The following APBA2 variants were observed in gnomAD, a reference collection of about 807,000 sequenced individuals.
APBA2 encodes the protein amyloid beta precursor protein binding family A member 2, also known as amyloid-beta A4 precursor protein-binding family A member 2.
In APBA2, 30 loss-of-function variants were observed where a neutral mutation model predicts 75.0. The observed-to-expected ratio is 0.40, with a 90% CI of 0.30 to 0.54. APBA2 has a LOEUF of 0.54. Ranked by LOEUF, APBA2 falls within the 20% of genes least tolerant of loss-of-function variation. APBA2 has a pLI of 0.49. For synonymous variants in APBA2, 444 were observed against 409.6 expected (o/e 1.08, Z -1.01); for missense variants, 801 against 1,016.1 (o/e 0.79, Z 2.88).
chr15:28,900,183 C>G (rs1234786186), intron 1 of APBA2, among the ~76,000 whole-genome samples: 1 of 152,186 alleles, frequency 6.6e-6, no homozygotes, highest in East Asian at 1.9e-4. Flanking sequence ...ACCCTTCTTC[C>G]CAGCCTCCTC....
intron 3 of APBA2, among the ~76,000 whole-genome samples, chr15:29,020,637 C>A (rs1420057244): frequency 7.2e-5 from 10 of 139,668 alleles, no homozygotes; most frequent in Admixed American, 7.0e-4. Flanking sequence ...GAAACCCGGT[C>A]TCTACTAAAA....
At chr15:28,929,599 G>C (rs553563877) in intron 2 of APBA2, among the ~76,000 whole-genome samples, 1 of 152,282 alleles carries the variant, frequency 6.6e-6, no homozygotes, top group Admixed American at 6.5e-5. Context: ...AAGAAGAAGG[G>C]GGTTTTTCTG....
intron 4 of APBA2, among the ~76,000 whole-genome samples, chr15:29,057,984 T>C (rs2041975648): frequency 6.6e-6 from 1 of 152,252 alleles, no homozygotes; most frequent in South Asian, 2.1e-4. Flanking sequence ...AGAAGCACTC[T>C]CTACACTGTA....
intron 6 of APBA2, among the ~76,000 whole-genome samples, chr15:29,086,668 A>C (rs1740250320): frequency 6.6e-6 from 1 of 152,218 alleles, no homozygotes; most frequent in Non-Finnish European, 1.5e-5. Flanking sequence ...ATTTATTTGC[A>C]TTTACTTTTG....
intron 2 of APBA2, among the ~76,000 whole-genome samples, chr15:28,984,061 C>T (rs1206464544): frequency 1.3e-5 from 2 of 152,114 alleles, no homozygotes; most frequent in Admixed American, 1.3e-4. Context: ...TGAGGCGTGC[C>T]CTCGGTTGAT....
At chr15:28,917,721 T>C (rs1430673472) in intron 1 of APBA2, among the ~76,000 whole-genome samples, 1 of 152,220 alleles carries the variant, frequency 6.6e-6, no homozygotes, top group Non-Finnish European at 1.5e-5. Context: ...GTATATTTTA[T>C]GAGTTTTGAC....
At chr15:28,915,227 A>AC (rs2033630622) in intron 1 of APBA2, among the ~76,000 whole-genome samples, 61 of 126,040 alleles carry the variant, frequency 4.8e-4, no homozygotes, top group East Asian at 7.4e-4. Context: ...ACCACATACC[A>AC]CACATACCCC....
rs187077667 is a variant in APBA2 at position 28,887,061 on chromosome 15, C to T, written c.-205+783C>T. ...TTCTCCGACGCCTGCCGAGGACCGC[C>T]GTGGAGAGCAGAGCCTTAGAGGGGC... On this transcript the variant is annotated intron_variant, in intron 1 of 14. Coordinates refer to ENST00000683413, the MANE Select transcript of APBA2 (RefSeq NM_001353788.2). Among the ~76,000 whole-genome samples, 811 of 152,352 alleles carry T rather than the reference C, an allele frequency of 5.3e-3. 6 individuals carry two copies. Among genetic ancestry groups the T allele is most frequent in the African/African-American group, 0.019 (787 of 41,594 alleles).
intron 2 of APBA2, among the ~76,000 whole-genome samples, chr15:28,943,078 G>GGTT (rs1223618486): frequency 3.3e-5 from 5 of 152,156 alleles, no homozygotes; most frequent in African/African-American, 1.2e-4. Context: ...TTCCTCACGC[G>GGTT]GTTCCTTGAG....
At chr15:29,036,428 A>T (rs936782159) in intron 3 of APBA2, among the ~76,000 whole-genome samples, 6 of 152,218 alleles carry the variant, frequency 3.9e-5, no homozygotes, top group African/African-American at 1.4e-4. Flanking sequence ...TAGTAGCCAC[A>T]GGGTGCACAG....
intron 1 of APBA2, among the ~76,000 whole-genome samples, chr15:28,892,637 A>ATG (rs760584487): frequency 1.4e-5 from 2 of 143,746 alleles, no homozygotes; most frequent in Non-Finnish European, 3.1e-5. Context: ...AACTGTGTGT[A>ATG]TATGTGTGTG....
At chr15:29,087,264 TAAAAAA>T (rs377060964) in intron 6 of APBA2, among the ~76,000 whole-genome samples, 6 of 151,798 alleles carry the variant, frequency 4.0e-5, no homozygotes, top group African/African-American at 1.2e-4. Context: ...CATTTTTTTT[TAAAAAA>T]AATTATTTAT....
chr15:28,893,316 GGT>G (rs931291829), intron 1 of APBA2, among the ~76,000 whole-genome samples: 3 of 152,206 alleles, frequency 2.0e-5, no homozygotes, highest in African/African-American at 7.2e-5. Context: ...CCAGGTTTAG[GGT>G]GTGTGTGTGT....
At chr15:28,938,490 T>A (rs991089925) in intron 2 of APBA2, among the ~76,000 whole-genome samples, 8 of 152,158 alleles carry the variant, frequency 5.3e-5, no homozygotes, top group African/African-American at 1.9e-4. Flanking sequence ...GTTATACATA[T>A]TATGGGGGTA....
At chr15:29,017,206 G>C (rs1203005084) in intron 3 of APBA2, among the ~76,000 whole-genome samples, 3 of 152,018 alleles carry the variant, frequency 2.0e-5, no homozygotes, top group African/African-American at 4.8e-5. Context: ...ACCAAGGCCA[G>C]ATGCACCCGG....
intron 2 of APBA2, among the ~76,000 whole-genome samples, chr15:28,936,630 C>G (rs963391021): frequency 2.0e-5 from 3 of 152,248 alleles, no homozygotes; most frequent in East Asian, 1.9e-4. Context: ...CACTGGCTGT[C>G]CCCTGCAGAG....
In APBA2 at chr15:29,081,987, G is replaced by C. The variant is rs1336348731; in HGVS notation, c.1069+5896G>C. Among the ~76,000 whole-genome samples, 5 of 152,352 alleles carry C rather than the reference G, an allele frequency of 3.3e-5. No individual in the cohort carries two copies. The East Asian group carries it at 9.6e-4, about 29-fold the overall frequency. ...CCAAGGGGGGACAGCGTACGCTGCT[G>C]TTGGTCATGTATGAGAGTTGGTTAC... is the stretch of plus-strand genomic sequence containing the variant. On this transcript the variant is annotated intron_variant, in intron 6 of 14. Transcript: ENST00000683413.
intron 1 of APBA2, among the ~76,000 whole-genome samples, chr15:28,888,826 T>C (rs948185287): frequency 6.8e-4 from 104 of 152,070 alleles, no homozygotes; most frequent in Non-Finnish European, 1.6e-4. Flanking sequence ...CCTTGCCAGG[T>C]GGCTGTGAGG....
In APBA2 at chr15:29,117,353, A is replaced by T. The variant is rs2045253768; in HGVS notation, c.*220A>T. ...AGTCACAGAACAAATGTTTGTTTGTAAAGCGTTCCAAGTATTTTGCCACGT... is the reference window on the plus strand; with the variant it reads ...AGTCACAGAACAAATGTTTGTTTGTTAAGCGTTCCAAGTATTTTGCCACGT... On this transcript the variant is annotated 3_prime_UTR_variant, in exon 15 of 15. Coordinates refer to ENST00000683413, the MANE Select transcript of APBA2 (RefSeq NM_001353788.2). The T allele has an allele frequency of 1.7e-6, 1 of 596,960 alleles. No individual in the cohort carries two copies. 37.0% of individuals were successfully genotyped at this position (596,960 alleles called of 1,614,324 possible).
Sources: allele counts gnomAD v4.1 joint callset (sites outside exome capture counted in the v4.1 genomes callset), GRCh38; gene constraint gnomAD v4.1.1; transcripts MANE v1.5; gene names NCBI Gene and HGNC (gene_info 2026-07-23, HGNC 2026-07-21).